The following ANO2 variants were observed in gnomAD, a reference collection of about 807,000 sequenced individuals.
ANO2 encodes anoctamin-2.
In ANO2, 101 loss-of-function variants were observed where a neutral mutation model predicts 124.2. The ratio of observed to expected loss-of-function variants is 0.81; its 90% CI spans 0.69 to 0.96. The LOEUF (loss-of-function observed/expected upper bound fraction) is 0.96. Ranked by LOEUF, ANO2 falls within the 40% of genes least tolerant of loss-of-function variation. ANO2 has a pLI of 0.00. For missense variants in ANO2, 1,293 were observed against 1,274.5 expected (o/e 1.01, Z -0.22); for synonymous variants, 486 against 482.5 (o/e 1.01, Z -0.09).
At chr12:5,920,803 C>T (rs1053336784) in intron 3 of ANO2, among the ~76,000 whole-genome samples, 4 of 152,016 alleles carry the variant, frequency 2.6e-5, no homozygotes, top group African/African-American at 7.2e-5. Context: ...GGAGGCAGAG[C>T]TTGAAGTGAG....
intron 13 of ANO2, among the ~76,000 whole-genome samples, chr12:5,736,633 T>C (rs1950877148): frequency 6.6e-6 from 1 of 152,190 alleles, no homozygotes; most frequent in South Asian, 2.1e-4. Flanking sequence ...CTAGGACCCT[T>C]GTTCAAGTCA....
chr12:5,566,963 G>A (rs1274011514), intron 23 of ANO2, among the ~76,000 whole-genome samples: 1 of 152,206 alleles, frequency 6.6e-6, no homozygotes, highest in Non-Finnish European at 1.5e-5. Flanking sequence ...CCATGCAAAA[G>A]CTAGTTTGTT....
intron 8 of ANO2, 120 bp from the exon 9 acceptor site, chr12:5,806,213 G>T: frequency 9.5e-7 from 1 of 1,052,196 alleles, no homozygotes; most frequent in Non-Finnish European, 1.4e-6. Context: ...TCCCATTTAA[G>T]GAAGGTCAAA....
chr12:5,575,796 C>T lies in ANO2; in HGVS notation c.2621+38G>A, dbSNP rs765515807. ...CCGTAATTATTTGGATCTATTGCTT[C>T]TGGTCCTCTGCTGCCCTTCTCCTGA... On this transcript the variant is annotated intron_variant, in intron 23 of 24. Transcript: ENST00000682330. The T allele has an allele frequency of 2.5e-6, 4 of 1,596,940 alleles. No individual in the cohort carries two copies. In the South Asian group the frequency reaches 4.5e-5, roughly 18 times the overall value.
At chr12:5,771,253 T>C (rs1952071602) in intron 10 of ANO2, among the ~76,000 whole-genome samples, 1 of 152,166 alleles carries the variant, frequency 6.6e-6, no homozygotes, top group African/African-American at 2.4e-5. Context: ...CCCTGTTCTG[T>C]GCATGAGGCA....
intron 10 of ANO2, among the ~76,000 whole-genome samples, chr12:5,761,937 G>C (rs1951755913): frequency 6.6e-6 from 1 of 152,040 alleles, no homozygotes; most frequent in African/African-American, 2.4e-5. Flanking sequence ...TGCAAAAATA[G>C]TTAACAGGAA....
chr12:5,855,392 C>G (rs1258582813), intron 3 of ANO2, among the ~76,000 whole-genome samples: 1 of 152,182 alleles, frequency 6.6e-6, no homozygotes, highest in African/African-American at 2.4e-5. Context: ...CTTATTAATG[C>G]AAGTGAAAAC....
intron 10 of ANO2, among the ~76,000 whole-genome samples, chr12:5,799,260 TTG>T (rs1419210816): frequency 1.3e-5 from 2 of 152,200 alleles, no homozygotes; most frequent in African/African-American, 2.4e-5. Flanking sequence ...GAGACCAATG[TTG>T]AAGACCTCAA....
intron 14 of ANO2, among the ~76,000 whole-genome samples, chr12:5,707,561 G>A (rs1949659745): frequency 6.6e-6 from 1 of 152,162 alleles, no homozygotes; most frequent in African/African-American, 2.4e-5. Flanking sequence ...AGCATCAGAA[G>A]CAAGTTTTCT....
At chr12:5,747,164 A>G (rs1951291266) in intron 11 of ANO2, among the ~76,000 whole-genome samples, 1 of 152,248 alleles carries the variant, frequency 6.6e-6, no homozygotes, top group Non-Finnish European at 1.5e-5. Context: ...CTATCTTTGC[A>G]AGTTCCTGCG....
intron 3 of ANO2, among the ~76,000 whole-genome samples, chr12:5,914,153 T>TCA (rs1941232964): frequency 4.6e-5 from 7 of 151,836 alleles, no homozygotes; most frequent in Admixed American, 3.3e-4. Context: ...TGAGCCAAGA[T>TCA]TGCGCTACTG....
Position 5,925,448 on chromosome 12 carries a change from C to T in ANO2, c.23-2644G>A, listed in dbSNP as rs550459816. On this transcript the variant is annotated intron_variant, in intron 1 of 24. Transcript: ENST00000682330. The surrounding 1 kb of genome is among the most constrained non-coding windows in gnomAD (Gnocchi z 4.6). ...CCACAAGTGATTAGAGCACAGCACACGGTTCAGCCATCCCAGCCGTCCCAG... is the reference window on the plus strand; with the variant it reads ...CCACAAGTGATTAGAGCACAGCACATGGTTCAGCCATCCCAGCCGTCCCAG... 9.2e-5 allele frequency among the ~76,000 whole-genome samples: 14 copies of T among 152,262 alleles called. No individual in the cohort carries two copies. Among genetic ancestry groups the T allele is most frequent in the South Asian group, 2.1e-4 (1 of 4,820 alleles).
At chr12:5,795,349 G>A (rs748859493) in intron 10 of ANO2, among the ~76,000 whole-genome samples, 1 of 152,198 alleles carries the variant, frequency 6.6e-6, no homozygotes, top group Admixed American at 6.5e-5. Flanking sequence ...CCACATGGGT[G>A]GGCTTCATGC....
chr12:5,829,060 A>C (rs546903221), intron 6 of ANO2, among the ~76,000 whole-genome samples: 2 of 152,336 alleles, frequency 1.3e-5, no homozygotes, highest in Admixed American at 6.5e-5. Flanking sequence ...TTATTCCATC[A>C]TTATTTACAT....
rs866203936 is a variant in ANO2, at chr12:5,744,074, G to C, written c.1351+83C>G. 11 of 1,538,206 alleles carry C rather than the reference G, an allele frequency of 7.2e-6. 1 individual carries two copies. The Admixed American group carries it at 1.8e-4, about 26-fold the overall frequency. ...GAAAAAATGCGAAAGTAAGTAACCT[G>C]AAGGGGATGAGCTTTACAGCTTGGT... On this transcript the variant is annotated intron_variant, in intron 12 of 24. Transcript: ENST00000682330.
chr12:5,698,792 G>C (rs1949290874), intron 14 of ANO2, among the ~76,000 whole-genome samples: 1 of 152,222 alleles, frequency 6.6e-6, no homozygotes, highest in Non-Finnish European at 1.5e-5. Flanking sequence ...AGAACTATGT[G>C]ACACATGCAC....
At position 5,635,245 on chromosome 12, in the gene ANO2, T is replaced by A. The variant is rs1246892972; in HGVS notation, c.1723A>T (p.Thr575Ser). 1 of 1,613,104 alleles carries A rather than the reference T, an allele frequency of 6.2e-7. No individual in the cohort carries two copies. The highest frequency in any genetic ancestry group is 8.5e-7 in the Non-Finnish European group (1 of 1,179,730). The change falls in exon 16 of 25, where the codon ACA becomes TCA. Residue 575 changes from threonine to serine, a missense_variant. Thr to Ser is a moderately conservative substitution (Grantham distance 58, BLOSUM62 1). Transcript: ENST00000682330. This position sits in a 1 kb window ranked among gnomAD's most constrained non-coding sequence, Gnocchi z 5.2. ...NKATRSNVRV[T>S]VTATAVIINL... ...ATGATGACTGCTGTTGCTGTCACTGTCACCCGGACATTGGAGCGTGTAGCC... is the reference window on the plus strand; with the variant it reads ...ATGATGACTGCTGTTGCTGTCACTGACACCCGGACATTGGAGCGTGTAGCC...
intron 3 of ANO2, among the ~76,000 whole-genome samples, chr12:5,869,903 G>T (rs2137279339): frequency 6.6e-6 from 1 of 152,254 alleles, no homozygotes; most frequent in East Asian, 1.9e-4. Flanking sequence ...CTTGAGTAAG[G>T]CTTACCTGGC....
At chr12:5,924,216 G>C (rs1204010318) in intron 1 of ANO2, among the ~76,000 whole-genome samples, 2 of 152,200 alleles carry the variant, frequency 1.3e-5, no homozygotes, top group African/African-American at 4.8e-5. Context: ...CAGCCCCTTA[G>C]GTGCTCAGCC....
Sources: gnomAD v4.1 joint callset for allele counts (sites outside exome capture counted in the v4.1 genomes callset) on GRCh38, gnomAD v4.1.1 for gene constraint, Gnocchi (gnomAD v3.1) non-coding constraint, MANE v1.5 for transcripts, NCBI Gene and HGNC (gene_info 2026-07-23, HGNC 2026-07-21) for gene names.